The following FRY variants were observed in gnomAD, a reference collection of about 807,000 sequenced individuals.
The protein encoded by FRY is FRY microtubule binding protein.
Under a neutral mutation model 348.4 loss-of-function variants are expected in FRY, and 128 were observed. That is an observed-to-expected ratio of 0.37 (90% CI 0.32 to 0.43). FRY has a LOEUF of 0.43. Ranked by LOEUF, FRY falls within the 20% of genes least tolerant of loss-of-function variation. The pLI, the probability that FRY is intolerant of heterozygous loss-of-function variation, is 1.00. For synonymous variants in FRY, 1,370 were observed against 1,374.7 expected (o/e 1.00, Z 0.08); for missense variants, 2,736 against 3,695.2 (o/e 0.74, Z 6.73).
intron 48 of FRY, 33 bp from the exon 49 acceptor site, chr13:32,249,493 G>A: frequency 6.2e-7 from 1 of 1,612,208 alleles, no homozygotes; most frequent in Non-Finnish European, 8.5e-7. Flanking sequence ...AAACCATTGA[G>A]ACAGAATAAT....
chr13:32,253,724 C>T (rs958715635), intron 50 of FRY, among the ~76,000 whole-genome samples: 1 of 152,114 alleles, frequency 6.6e-6, no homozygotes, highest in Admixed American at 6.5e-5. Context: ...TAATTTTTGG[C>T]TTCTGTTTTT....
intron 28 of FRY, among the ~76,000 whole-genome samples, chr13:32,189,478 A>T (rs921491900): frequency 5.3e-5 from 8 of 152,070 alleles, no homozygotes; most frequent in African/African-American, 1.9e-4. Context: ...AGACTATCAA[A>T]CTCAAAAACA....
intron 8 of FRY, among the ~76,000 whole-genome samples, chr13:32,134,292 A>G (rs931506133): frequency 1.5e-4 from 23 of 152,250 alleles, no homozygotes; most frequent in African/African-American, 5.3e-4. Flanking sequence ...ACAACAGTCC[A>G]CTGGCAGTAG....
intron 17 of FRY, among the ~76,000 whole-genome samples, chr13:32,163,334 C>T (rs535247453): frequency 1.3e-5 from 2 of 152,206 alleles, no homozygotes; most frequent in African/African-American, 4.8e-5. Context: ...CTCTAAAAGC[C>T]TGAACTTCAT....
chr13:32,092,660 G>A (rs972415979), intron 2 of FRY, among the ~76,000 whole-genome samples: 1 of 152,172 alleles, frequency 6.6e-6, no homozygotes, highest in Non-Finnish European at 1.5e-5. Context: ...AATTCCCCTT[G>A]CGTGGGTTGG....
At chr13:32,286,812 A>G (rs1889091582) in intron 58 of FRY, among the ~76,000 whole-genome samples, 1 of 146,540 alleles carries the variant, frequency 6.8e-6, no homozygotes, top group Non-Finnish European at 1.5e-5. Context: ...AACATGGCCC[A>G]GTTACAAATC....
In FRY at chr13:32,117,879, T is replaced by C. The variant is rs191063484; in HGVS notation, c.464+406T>C. On this transcript the variant is annotated intron_variant, in intron 4 of 60. Transcript: ENST00000542859. ...CAGTGTACTGTAGTGGGAAGGACGCTGGACTGGACGTTAGTGGTAGTCCTG... is the reference window on the plus strand; with the variant it reads ...CAGTGTACTGTAGTGGGAAGGACGCCGGACTGGACGTTAGTGGTAGTCCTG... 5.9e-5 allele frequency among the ~76,000 whole-genome samples: 9 copies of C among 152,294 alleles called. No homozygotes were observed. The East Asian group carries it at 1.7e-3, about 29-fold the overall frequency.
Position 32,276,514 on chromosome 13 carries a change from G to A in FRY, c.8337G>A (p.Leu2779=). ...LDKLKFSVLE[L]QEYLDTYNNR... is the part of the protein sequence containing the mutation. Reference sequence around the variant, plus strand: ...AGCTCAAGTTCAGTGTGTTAGAACTGCAAGAATATTTGGATACCTACAACA... The same window carrying A: ...AGCTCAAGTTCAGTGTGTTAGAACTACAAGAATATTTGGATACCTACAACA... Residue 2779 remains leucine (L), a synonymous_variant, in exon 57 of 61, where the codon CTG becomes CTA. Coordinates refer to ENST00000542859, the MANE Select transcript of FRY (RefSeq NM_023037.3). 6.2e-7 allele frequency: 1 copy of A among 1,607,476 alleles called. No homozygotes were observed. The highest frequency in any genetic ancestry group is 8.5e-7 in the Non-Finnish European group (1 of 1,173,948).
intron 11 of FRY, among the ~76,000 whole-genome samples, chr13:32,139,851 T>C (rs1299382042): frequency 6.6e-6 from 1 of 152,168 alleles, no homozygotes; most frequent in Non-Finnish European, 1.5e-5. Context: ...ATACAACACC[T>C]AATTCTGACA....
At chr13:32,213,744 G>A (rs1425190974) in intron 35 of FRY, among the ~76,000 whole-genome samples, 1 of 152,194 alleles carries the variant, frequency 6.6e-6, no homozygotes, top group Admixed American at 6.5e-5. Context: ...GAGGTAGAAA[G>A]ATGATAGATC....
At chr13:32,164,005 T>C (rs1225279121) in intron 17 of FRY, among the ~76,000 whole-genome samples, 1 of 152,174 alleles carries the variant, frequency 6.6e-6, no homozygotes, top group African/African-American at 2.4e-5. Context: ...GGGACCTTTT[T>C]AATAAGCTTC....
intron 59 of FRY, among the ~76,000 whole-genome samples, chr13:32,290,310 G>T (rs1593857754): frequency 6.6e-6 from 1 of 152,154 alleles, no homozygotes; most frequent in Non-Finnish European, 1.5e-5. Flanking sequence ...TGGAATAATG[G>T]TGCTGTATAG....
chr13:32,293,083 G>A (rs1889457191), intron 59 of FRY, among the ~76,000 whole-genome samples: 2 of 152,118 alleles, frequency 1.3e-5, no homozygotes, highest in Admixed American at 1.3e-4. Flanking sequence ...TTATAGGCAT[G>A]GGGAAATCAA....
intron 2 of FRY, among the ~76,000 whole-genome samples, chr13:32,090,169 G>A (rs763391561): frequency 2.0e-5 from 3 of 151,386 alleles, no homozygotes; most frequent in South Asian, 2.1e-4. Context: ...TAACACGGTG[G>A]AACCCCGTCT....
chr13:32,199,794 G>C (rs925523368), intron 29 of FRY, among the ~76,000 whole-genome samples: 2 of 152,212 alleles, frequency 1.3e-5, no homozygotes, highest in African/African-American at 4.8e-5. Flanking sequence ...ATTTCTCACT[G>C]AACTTAATGT....
intron 1 of FRY, among the ~76,000 whole-genome samples, chr13:32,035,393 C>T (rs549247806): frequency 6.6e-6 from 1 of 152,178 alleles, no homozygotes; most frequent in Non-Finnish European, 1.5e-5. Context: ...ACCCTAAGTG[C>T]ATACTTTCTA....
intron 3 of FRY, among the ~76,000 whole-genome samples, chr13:32,114,678 T>C (rs1369804981): frequency 3.3e-5 from 5 of 152,234 alleles, no homozygotes; most frequent in Non-Finnish European, 7.3e-5. Flanking sequence ...ATAGTCATCC[T>C]ATAGTCAGAA....
chr13:32,091,564 A>G (rs1876313026), intron 2 of FRY, among the ~76,000 whole-genome samples: 1 of 152,214 alleles, frequency 6.6e-6, no homozygotes, highest in South Asian at 2.1e-4. Context: ...GGCTGGGTGT[A>G]GATAGTTCTG....
intron 10 of FRY, among the ~76,000 whole-genome samples, chr13:32,135,632 A>T (rs1479300073): frequency 6.6e-6 from 1 of 152,230 alleles, no homozygotes; most frequent in Non-Finnish European, 1.5e-5. Flanking sequence ...AGGAAGGATT[A>T]TCTGAAGGCT....
Sources: gnomAD v4.1 joint callset for allele counts (sites outside exome capture counted in the v4.1 genomes callset) on GRCh38, gnomAD v4.1.1 for gene constraint, MANE v1.5 for transcripts, NCBI Gene and HGNC (gene_info 2026-07-23, HGNC 2026-07-21) for gene names.